ISM2: variants seen among roughly 807,000 people sequenced by gnomAD.
The protein encoded by ISM2 is isthmin 2.
ISM2 carries 50 observed loss-of-function variants against 58.0 expected under a neutral mutation model. The observed-to-expected ratio is 0.86, with a 90% CI of 0.69 to 1.09. The LOEUF (loss-of-function observed/expected upper bound fraction) is 1.09, where lower values mean the gene tolerates loss of function less well. Among genes scored for constraint, ISM2 ranks in the 50% least tolerant of loss-of-function variants. The pLI, the probability that ISM2 is intolerant of heterozygous loss-of-function variation, is 0.00. For missense variants in ISM2, 723 were observed against 745.0 expected (o/e 0.97, Z 0.34); for synonymous variants, 303 against 312.4 (o/e 0.97, Z 0.32).
Position 77,496,396 on chromosome 14 carries a change from G to C in ISM2, c.141+2257C>G, listed in dbSNP as rs560593404. ...CTAGCTACTCGGGAGGCAGAGGCAG[G>C]AGAATCGCTTGAACCCAGGAGGCGG... is the stretch of plus-strand genomic sequence containing the variant. On this transcript the variant is annotated intron_variant, in intron 1 of 6. Transcript: ENST00000342219. Among the ~76,000 whole-genome samples the C allele has an allele frequency of 1.4e-3, 210 of 152,168 alleles. 4 individuals carry two copies. The highest frequency in any genetic ancestry group is 1.1e-3 in the Non-Finnish European group (76 of 68,008).
intron 1 of ISM2, among the ~76,000 whole-genome samples, chr14:77,497,707 A>T (rs2031288176): frequency 6.9e-6 from 1 of 144,836 alleles, no homozygotes; most frequent in Non-Finnish European, 1.5e-5. Context: ...AATAAAATAA[A>T]AGAGAGGGAG....
At chr14:77,485,616 C>G (rs1180710917) in intron 1 of ISM2, among the ~76,000 whole-genome samples, 1 of 152,274 alleles carries the variant, frequency 6.6e-6, no homozygotes, top group Non-Finnish European at 1.5e-5. Flanking sequence ...TCCTGTTCAG[C>G]ATTCATCTGC....
rs1242090551 is a variant in ISM2 at position 77,498,557 on chromosome 14, G to C, written c.141+96C>G. The C allele has an allele frequency of 2.9e-6, 4 of 1,386,652 alleles. No homozygotes were observed. In the African/African-American group the frequency reaches 6.1e-5, roughly 21 times the overall value. 85.9% of individuals were successfully genotyped at this position (1,386,652 alleles called of 1,614,324 possible). On this transcript the variant is annotated intron_variant, in intron 1 of 6. Coordinates refer to ENST00000342219, the MANE Select transcript of ISM2 (RefSeq NM_199296.3). ...TCTCCATCGGGGGGTCGCTGCCTGT[G>C]TGTGTCCCGGTCCCGCTCCCCGCAC...
chr14:77,489,990 A>G (rs565528214), intron 1 of ISM2, among the ~76,000 whole-genome samples: 11 of 152,260 alleles, frequency 7.2e-5, no homozygotes, highest in African/African-American at 2.6e-4. Context: ...CAGCCTCCCA[A>G]TTAGCTGGGA....
At chr14:77,493,293 GC>G (rs1463656142) in intron 1 of ISM2, among the ~76,000 whole-genome samples, 1 of 151,934 alleles carries the variant, frequency 6.6e-6, no homozygotes. Context: ...ACCATGCCTG[GC>G]CCACAACCTG....
intron 3 of ISM2, chr14:77,483,681 A>G (rs1286050504): frequency 6.6e-6 from 1 of 151,538 alleles, no homozygotes; most frequent in Non-Finnish European, 1.5e-5. Context: ...TGTGTAGGTA[A>G]GTAGAGAAAA....
chr14:77,475,639 C>A lies in ISM2; in HGVS notation c.1672G>T (p.Glu558Ter). 6.2e-7 allele frequency: 1 copy of A among 1,610,440 alleles called. No homozygotes were observed. The highest frequency in any genetic ancestry group is 8.5e-7 in the Non-Finnish European group (1 of 1,177,954). Residue 558 changes from glutamate (E) to a stop codon, truncating the protein, a stop_gained, in exon 7 of 7, where the codon GAG becomes TAG. Coordinates refer to ENST00000342219, the MANE Select transcript of ISM2 (RefSeq NM_199296.3). LOFTEE classifies it high-confidence loss of function. This position sits in a 1 kb window ranked among gnomAD's most constrained non-coding sequence, Gnocchi z 4.1. ...TGCAACTGTGCTAGGTACTCCTCCT[C>A]CAGGGGGTTGTCGGTGCAGGCTCGG... The part of the protein sequence containing the change: ...NGRACTDNPL[E>*]EEYLAQLQEA...
intron 1 of ISM2, among the ~76,000 whole-genome samples, chr14:77,486,126 C>T (rs1253987857): frequency 6.6e-6 from 1 of 152,230 alleles, no homozygotes; most frequent in Non-Finnish European, 1.5e-5. Context: ...CCTGAGGTTG[C>T]ACAGACATTT....
chr14:77,497,716 A>C (rs1388797381), intron 1 of ISM2, among the ~76,000 whole-genome samples: 1 of 141,280 alleles, frequency 7.1e-6, no homozygotes, highest in Non-Finnish European at 1.5e-5. Context: ...AAAGAGAGGG[A>C]GAAAGAAAAA....
intron 1 of ISM2, among the ~76,000 whole-genome samples, chr14:77,490,672 G>C (rs1023753269): frequency 6.6e-6 from 1 of 152,234 alleles, no homozygotes; most frequent in Non-Finnish European, 1.5e-5. Flanking sequence ...GGTGCTGAAT[G>C]TGCTGGATGA....
In ISM2 at chr14:77,482,662, G is replaced by T; in HGVS notation, c.633C>A (p.Thr211=). 6.5e-7 allele frequency: 1 copy of T among 1,542,312 alleles called. No individual in the cohort carries two copies. The highest frequency in any genetic ancestry group is 8.7e-7 in the Non-Finnish European group (1 of 1,148,972). ...LSTPNPDNQV[T]IKVVEDPQAE... is the part of the protein sequence containing the mutation. ...CCTGGGGGTCCTCCACCACCTTGAT[G>T]GTCACCTGCAGGAGACAGGCCAGGC... is the stretch of plus-strand genomic sequence containing the variant. Residue 211 remains threonine (T), a synonymous_variant, in exon 4 of 7, where the codon ACC becomes ACA. Coordinates refer to ENST00000342219, the MANE Select transcript of ISM2 (RefSeq NM_199296.3).
intron 6 of ISM2, among the ~76,000 whole-genome samples, chr14:77,477,415 C>T (rs2079105261): frequency 6.6e-6 from 1 of 152,146 alleles, no homozygotes; most frequent in East Asian, 1.9e-4. Flanking sequence ...GATCCAGATG[C>T]TGGGATTTGG....
chr14:77,485,764 C>T (rs1312442230), intron 1 of ISM2, among the ~76,000 whole-genome samples: 3 of 152,184 alleles, frequency 2.0e-5, no homozygotes, highest in African/African-American at 7.2e-5. Context: ...CACCTGTGGA[C>T]CCTGCTTCAC....
intron 1 of ISM2, among the ~76,000 whole-genome samples, chr14:77,487,014 G>A (rs976014997): frequency 6.6e-6 from 1 of 151,836 alleles, no homozygotes; most frequent in African/African-American, 2.4e-5. Flanking sequence ...GGCTGAGGCG[G>A]GTGGATCACT....
chr14:77,480,261 C>T (rs2079123152), intron 4 of ISM2, among the ~76,000 whole-genome samples: 1 of 150,326 alleles, frequency 6.7e-6, no homozygotes, highest in South Asian at 2.1e-4. Context: ...ACTCCAGCCA[C>T]AGCCACTGTG....
chr14:77,485,784 A>T (rs1383363132), intron 1 of ISM2, among the ~76,000 whole-genome samples: 2 of 152,076 alleles, frequency 1.3e-5, no homozygotes, highest in African/African-American at 4.8e-5. Context: ...CTCAGGCCAC[A>T]CCCTTGCCAC....
At chr14:77,497,774 G>GGAAT (rs2079255854) in intron 1 of ISM2, among the ~76,000 whole-genome samples, 2 of 64,930 alleles carry the variant, frequency 3.1e-5, no homozygotes, top group African/African-American at 1.5e-4. Flanking sequence ...AGGGAGGGAA[G>GGAAT]GAAGGAAGGA....
intron 4 of ISM2, among the ~76,000 whole-genome samples, 157 bp downstream of exon 4, chr14:77,482,165 A>G (rs573005750): frequency 6.6e-6 from 1 of 152,010 alleles, no homozygotes; most frequent in Admixed American, 6.6e-5. Flanking sequence ...GCTATTGTCA[A>G]TGTTACTTTT....
chr14:77,477,606 A>G (rs139576832), intron 6 of ISM2, among the ~76,000 whole-genome samples: 1 of 152,294 alleles, frequency 6.6e-6, no homozygotes, highest in Non-Finnish European at 1.5e-5. Context: ...TCTTTCCCCC[A>G]TGGGACCTGA....
Sources: gnomAD v4.1 joint callset for allele counts (sites outside exome capture counted in the v4.1 genomes callset) on GRCh38, gnomAD v4.1.1 for gene constraint, Gnocchi (gnomAD v3.1) non-coding constraint, MANE v1.5 for transcripts, NCBI Gene and HGNC (gene_info 2026-07-23, HGNC 2026-07-21) for gene names.